Variants in MARCHF1 observed in about 807,000 individuals in gnomAD.
MARCHF1 encodes the protein membrane associated ring-CH-type finger 1.
In MARCHF1, 40 loss-of-function variants were observed where a neutral mutation model predicts 54.2. The observed-to-expected ratio is 0.74, with a 90% confidence interval of 0.57 to 0.96. The LOEUF (loss-of-function observed/expected upper bound fraction) is 0.96, where lower values mean the gene tolerates loss of function less well. MARCHF1 is among the 40% of genes least tolerant of loss of function. The pLI is 0.00. For synonymous variants in MARCHF1, 236 were observed against 236.3 expected (o/e 1.00, Z 0.01); for missense variants, 586 against 656.5 (o/e 0.89, Z 1.17).
intron 1 of MARCHF1, among the ~76,000 whole-genome samples, chr4:164,198,881 T>G (rs1731359310): frequency 6.6e-6 from 1 of 152,196 alleles, no homozygotes; most frequent in Non-Finnish European, 1.5e-5. Context: ...AAACTCTTAC[T>G]ATAAGAATAT....
intron 3 of MARCHF1, among the ~76,000 whole-genome samples, chr4:163,879,869 AT>A (rs1750377682): frequency 6.6e-6 from 1 of 151,426 alleles, no homozygotes; most frequent in South Asian, 2.1e-4. Context: ...GTAAAAGGCA[AT>A]GTAACTTGCA....
At chr4:164,003,131 A>T (rs77970894) in intron 2 of MARCHF1, among the ~76,000 whole-genome samples, 7 of 151,908 alleles carry the variant, frequency 4.6e-5, no homozygotes, top group Non-Finnish European at 1.0e-4. Context: ...GCAAAATGGT[A>T]TAAGGACAGA....
chr4:163,705,290 G>A (rs552177029), intron 4 of MARCHF1, among the ~76,000 whole-genome samples: 50 of 151,116 alleles, frequency 3.3e-4, no homozygotes, highest in African/African-American at 1.1e-3. Flanking sequence ...TGGCGTAAAT[G>A]AAACTTCAGA....
At chr4:163,847,027 A>G (rs1245652898) in intron 4 of MARCHF1, among the ~76,000 whole-genome samples, 1 of 152,176 alleles carries the variant, frequency 6.6e-6, no homozygotes, top group East Asian at 1.9e-4. Flanking sequence ...TCTCAAGTCC[A>G]GGGGCTGCTT....
intron 5 of MARCHF1, among the ~76,000 whole-genome samples, chr4:163,691,189 G>A (rs1744438400): frequency 6.6e-6 from 1 of 152,180 alleles, no homozygotes; most frequent in African/African-American, 2.4e-5. Flanking sequence ...CAGGCCGGCA[G>A]CATCTGGCTG....
At position 164,041,309 on chromosome 4, in the gene MARCHF1, C is replaced by T. The variant is rs77362652; in HGVS notation, c.-247-52600G>A. On this transcript the variant is annotated intron_variant, in intron 2 of 9. Coordinates refer to ENST00000514618, the MANE Select transcript of MARCHF1 (RefSeq NM_001394959.1). ...CCCTACCAATATCTATCAGAAATAT[C>T]CCCCTCTTTCAACCACCATAGCATT... 9.4e-3 allele frequency among the ~76,000 whole-genome samples: 1,438 copies of T among 152,204 alleles called. 98 individuals are homozygous for T. In the East Asian group the frequency reaches 0.18, roughly 19 times the overall value.
At chr4:163,778,604 T>C (rs1747371903) in intron 4 of MARCHF1, among the ~76,000 whole-genome samples, 1 of 152,124 alleles carries the variant, frequency 6.6e-6, no homozygotes, top group Admixed American at 6.6e-5. Flanking sequence ...TCAACCTAAT[T>C]GTCCATCAAT....
intron 4 of MARCHF1, among the ~76,000 whole-genome samples, chr4:163,846,047 T>G (rs1176526711): frequency 6.6e-6 from 1 of 152,224 alleles, no homozygotes; most frequent in African/African-American, 2.4e-5. Flanking sequence ...TTGTTTGTGA[T>G]GGTTATTCTA....
At chr4:163,573,816 G>A (rs1276866972) in intron 8 of MARCHF1, among the ~76,000 whole-genome samples, 1 of 151,910 alleles carries the variant, frequency 6.6e-6, no homozygotes, top group Non-Finnish European at 1.5e-5. Context: ...ATAGTCCTTT[G>A]GGTATATACT....
chr4:163,733,553 C>T (rs1162841941), intron 4 of MARCHF1, among the ~76,000 whole-genome samples: 20 of 151,184 alleles, frequency 1.3e-4, no homozygotes, highest in Non-Finnish European at 4.4e-5. Context: ...GTGCTGCACT[C>T]ATTAACTTGT....
At chr4:164,328,082 G>C (rs1018179520) in intron 1 of MARCHF1, among the ~76,000 whole-genome samples, 27 of 152,290 alleles carry the variant, frequency 1.8e-4, no homozygotes, top group African/African-American at 6.0e-4. Context: ...AATCAGAAGA[G>C]CAGAAGGCTA....
chr4:163,579,466 T>C (rs915601168), intron 8 of MARCHF1, among the ~76,000 whole-genome samples: 1 of 152,244 alleles, frequency 6.6e-6, no homozygotes, highest in Non-Finnish European at 1.5e-5. Flanking sequence ...CTAAGTAGCA[T>C]ACTAGACTCC....
intron 1 of MARCHF1, among the ~76,000 whole-genome samples, chr4:164,191,826 C>T (rs1209444477): frequency 6.6e-6 from 1 of 152,090 alleles, no homozygotes; most frequent in Non-Finnish European, 1.5e-5. Context: ...ATATTCACAT[C>T]CTATATTTTT....
At chr4:163,966,544 C>T (rs1448816556) in intron 3 of MARCHF1, among the ~76,000 whole-genome samples, 3 of 152,064 alleles carry the variant, frequency 2.0e-5, no homozygotes, top group Non-Finnish European at 4.4e-5. Flanking sequence ...ATAAACAATG[C>T]TTCCCACATA....
At chr4:163,814,408 T>A (rs181695244) in intron 4 of MARCHF1, among the ~76,000 whole-genome samples, 21 of 152,134 alleles carry the variant, frequency 1.4e-4, no homozygotes, top group Admixed American at 3.3e-4. Flanking sequence ...TGAAACCTTA[T>A]CTCTACTAAA....
At chr4:164,213,089 G>A (rs1397889379) in intron 1 of MARCHF1, among the ~76,000 whole-genome samples, 4 of 151,744 alleles carry the variant, frequency 2.6e-5, no homozygotes, top group Admixed American at 2.6e-4. Flanking sequence ...GTGTGTGTGT[G>A]TGCTTATGTC....
chr4:164,259,551 AAAAAAAAAAAAAAAG>A (rs1733398032), intron 1 of MARCHF1, among the ~76,000 whole-genome samples: 2 of 138,046 alleles, frequency 1.4e-5, no homozygotes, highest in Non-Finnish European at 1.5e-5. Context: ...TCTCAAAAAA[AAAAAAAAAAAAAAAG>A]AAAAAAGAAA....
At chr4:164,221,278 C>T (rs1732103295) in intron 1 of MARCHF1, among the ~76,000 whole-genome samples, 1 of 151,834 alleles carries the variant, frequency 6.6e-6, no homozygotes, top group Non-Finnish European at 1.5e-5. Flanking sequence ...GGGATAGTGT[C>T]CCAGTGTTCA....
intron 1 of MARCHF1, among the ~76,000 whole-genome samples, chr4:164,244,647 CA>C (rs897942062): frequency 6.7e-6 from 1 of 149,220 alleles, no homozygotes; most frequent in African/African-American, 2.5e-5. Flanking sequence ...AAAAACCCTT[CA>C]AAAAATTAAT....
Sources: gnomAD v4.1 joint callset for allele counts (sites outside exome capture counted in the v4.1 genomes callset) on GRCh38, gnomAD v4.1.1 for gene constraint, MANE v1.5 for transcripts, NCBI Gene and HGNC (gene_info 2026-07-23, HGNC 2026-07-21) for gene names.